TTBK2: variants seen among roughly 807,000 people sequenced by gnomAD.
TTBK2 encodes the protein tau tubulin kinase 2, also known as tau-tubulin kinase 2.
TTBK2 carries 28 observed loss-of-function variants against 110.8 expected under a neutral mutation model. The observed-to-expected ratio is 0.25, with a 90% CI of 0.19 to 0.35. TTBK2 has a LOEUF of 0.35. TTBK2 is among the 10% of genes least tolerant of loss of function. The pLI, the probability that TTBK2 is intolerant of heterozygous loss-of-function variation, is 1.00. For synonymous variants in TTBK2, 532 were observed against 527.3 expected (o/e 1.01, Z -0.12); for missense variants, 1,369 against 1,500.3 (o/e 0.91, Z 1.45).
intron 1 of TTBK2, among the ~76,000 whole-genome samples, chr15:42,912,561 A>C (rs545127385): frequency 7.2e-5 from 11 of 152,156 alleles, no homozygotes; most frequent in African/African-American, 2.6e-4. Flanking sequence ...ATGCAAAAAA[A>C]TTAGCTGGGC....
At chr15:42,856,747 G>A (rs1893960552) in intron 3 of TTBK2, among the ~76,000 whole-genome samples, 1 of 152,088 alleles carries the variant, frequency 6.6e-6, no homozygotes, top group Non-Finnish European at 1.5e-5. Flanking sequence ...ATCCCCTAAT[G>A]TAAACTGTGG....
chr15:42,746,086 G>A lies in TTBK2; in HGVS notation c.3444C>T (p.Arg1148=), dbSNP rs2061791332. Residue 1148 remains arginine, a synonymous_variant, in exon 15 of 15, where the codon CGC becomes CGT. Coordinates refer to ENST00000267890, the MANE Select transcript of TTBK2 (RefSeq NM_173500.4). Reference sequence around the variant, plus strand: ...TTCGAGGAGAGGCACTGGGACTCCTGCGAGGGACAACTGGACTCTTGGGTG... The same window carrying A: ...TTCGAGGAGAGGCACTGGGACTCCTACGAGGGACAACTGGACTCTTGGGTG... The part of the protein sequence containing the change: ...KTPPKSPVVP[R]RSPSASPRSS... The A allele has an allele frequency of 6.2e-7, 1 of 1,614,126 alleles. No individual in the cohort carries two copies.
chr15:42,767,833 C>T (rs933060315), intron 13 of TTBK2, among the ~76,000 whole-genome samples: 1 of 152,206 alleles, frequency 6.6e-6, no homozygotes, highest in African/African-American at 2.4e-5. Context: ...AGACCAATAT[C>T]CCTGATGAAC....
intron 11 of TTBK2, among the ~76,000 whole-genome samples, chr15:42,778,019 CAA>C: frequency 7.3e-6 from 1 of 136,080 alleles, no homozygotes; most frequent in African/African-American, 2.7e-5. Flanking sequence ...ATTAATTAGC[CAA>C]AAAAAAAAAG....
At position 42,743,976 on chromosome 15, in the gene TTBK2, C is replaced by T. The variant is rs938581723; in HGVS notation, c.*1819G>A. 3.5e-4 allele frequency: 54 copies of T among 152,164 alleles called. No individual in the cohort carries two copies. Among genetic ancestry groups the T allele is most frequent in the African/African-American group, 1.3e-3 (54 of 41,536 alleles). The allele number at this position is 152,164 out of a possible 1,614,324, so 9.4% of individuals were successfully genotyped here. On this transcript the variant is annotated 3_prime_UTR_variant, in exon 15 of 15. Coordinates refer to ENST00000267890, the MANE Select transcript of TTBK2 (RefSeq NM_173500.4). ...AATGACTCTATATAAGGATATGTCT[C>T]TCTATATATTTATAAATATTTATAT...
intron 10 of TTBK2, among the ~76,000 whole-genome samples, chr15:42,791,857 G>A (rs1362790089): frequency 6.6e-6 from 1 of 152,092 alleles, no homozygotes; most frequent in Non-Finnish European, 1.5e-5. Flanking sequence ...AATAGCTTGT[G>A]TAGGCTGGGC....
chr15:42,869,117 T>A (rs577028118), intron 3 of TTBK2, among the ~76,000 whole-genome samples: 2 of 152,250 alleles, frequency 1.3e-5, no homozygotes, highest in South Asian at 4.1e-4. Flanking sequence ...AGACAGGGTC[T>A]GGCTCCATTG....
At chr15:42,772,147 G>T (rs1003394269) in intron 13 of TTBK2, among the ~76,000 whole-genome samples, 1 of 152,016 alleles carries the variant, frequency 6.6e-6, no homozygotes, top group African/African-American at 2.4e-5. Context: ...GAATATGGCA[G>T]AAGTGATGGT....
chr15:42,758,879 T>C (rs1186692518), intron 13 of TTBK2, among the ~76,000 whole-genome samples: 1 of 152,130 alleles, frequency 6.6e-6, no homozygotes, highest in Non-Finnish European at 1.5e-5. Flanking sequence ...GCCTGGAGCC[T>C]AGTTTGGAGA....
At chr15:42,810,302 A>G (rs1891651132) in intron 9 of TTBK2, among the ~76,000 whole-genome samples, 1 of 152,242 alleles carries the variant, frequency 6.6e-6, no homozygotes, top group Non-Finnish European at 1.5e-5. Flanking sequence ...AATTAGCTAT[A>G]GAATTTACAT....
At chr15:42,843,474 C>A (rs530145281) in intron 3 of TTBK2, among the ~76,000 whole-genome samples, 1 of 152,164 alleles carries the variant, frequency 6.6e-6, no homozygotes, top group Admixed American at 6.6e-5. Context: ...AGATTTGTAA[C>A]TTCTGGCTGG....
At chr15:42,815,746 T>C (rs1476185410) in intron 7 of TTBK2, among the ~76,000 whole-genome samples, 1 of 150,294 alleles carries the variant, frequency 6.7e-6, no homozygotes, top group Non-Finnish European at 1.5e-5. Flanking sequence ...TAGATACATA[T>C]TACAGATAAA....
chr15:42,802,086 T>C lies in TTBK2; in HGVS notation c.823-7285A>G, dbSNP rs1451239284. The C allele has an allele frequency of 4.8e-6, 7 of 1,459,468 alleles. No individual in the cohort carries two copies. In the East Asian group the frequency reaches 6.8e-5, roughly 14 times the overall value. 90.4% of individuals were successfully genotyped at this position (1,459,468 alleles called of 1,614,324 possible). Reference sequence around the variant, plus strand: ...TCTTGTTCTGCTGCTCCAGGAACCGTACCTTGTCTATGAAGGAGAAAAACT... The same window carrying C: ...TCTTGTTCTGCTGCTCCAGGAACCGCACCTTGTCTATGAAGGAGAAAAACT... On this transcript the variant is annotated intron_variant, in intron 9 of 14. Transcript: ENST00000267890.
intron 9 of TTBK2, among the ~76,000 whole-genome samples, chr15:42,805,824 A>T (rs1891441840): frequency 6.6e-6 from 1 of 152,184 alleles, no homozygotes; most frequent in Admixed American, 6.5e-5. Flanking sequence ...CCCTTTCCTG[A>T]TAATAGTAAA....
rs188669112 is a variant in TTBK2, at chr15:42,852,349, G to A, written c.218-11916C>T. On this transcript the variant is annotated intron_variant, in intron 3 of 14. Transcript: ENST00000267890. ...CTCCCAAAGTGCTGGGATTACAGGC[G>A]TGAGCCACTGTACCCAGCCATTACC... Among the ~76,000 whole-genome samples the A allele has an allele frequency of 2.8e-3, 421 of 152,210 alleles. 1 individual carries two copies. The highest frequency in any genetic ancestry group is 4.3e-3 in the Admixed American group (66 of 15,294).
chr15:42,856,819 T>C (rs572788560), intron 3 of TTBK2, among the ~76,000 whole-genome samples: 1 of 152,318 alleles, frequency 6.6e-6, no homozygotes, highest in African/African-American at 2.4e-5. Flanking sequence ...CCCAACACTT[T>C]GGGAGACTGA....
Position 42,794,687 on chromosome 15 carries a change from T to G in TTBK2, c.937A>C (p.Thr313Pro). ...AAGCGAGTGTGCAACTGAGGGGTGG[T>G]AGAAGTAGTGGTGGTTGTTAGGGAG... ...DGSLTTTTTS[T>P]TPQLHTRLTP... Residue 313 changes from threonine to proline, a missense_variant, in exon 10 of 15, where the codon ACC (threonine) becomes CCC (proline). Around this residue, in one of 4 missense-constraint regions of TTBK2, gnomAD observed 1,097 missense variants for 1,114.7 expected, o/e 0.98. Coordinates refer to ENST00000267890, the MANE Select transcript of TTBK2 (RefSeq NM_173500.4). The G allele has an allele frequency of 6.2e-7, 1 of 1,614,034 alleles. No homozygotes were observed. The highest frequency in any genetic ancestry group is 2.2e-5 in the East Asian group (1 of 44,868).
intron 1 of TTBK2, among the ~76,000 whole-genome samples, chr15:42,888,350 G>A (rs778180205): frequency 2.6e-5 from 4 of 151,680 alleles, no homozygotes; most frequent in Admixed American, 6.6e-5. Context: ...CATTATTCCT[G>A]ATACCACACC....
intron 2 of TTBK2, among the ~76,000 whole-genome samples, chr15:42,875,208 A>G (rs187126764): frequency 3.0e-4 from 45 of 152,260 alleles, no homozygotes; most frequent in African/African-American, 1.1e-3. Flanking sequence ...TTCTATTCCT[A>G]TAATGCCATT....
Sources: gnomAD v4.1 joint callset for allele counts (sites outside exome capture counted in the v4.1 genomes callset) on GRCh38, gnomAD v4.1.1 for gene constraint, gnomAD v4.1.1 regional missense constraint, MANE v1.5 for transcripts, NCBI Gene and HGNC (gene_info 2026-07-23, HGNC 2026-07-21) for gene names.